NIBAN1: variants seen among roughly 807,000 people sequenced by gnomAD.
NIBAN1 encodes protein Niban 1.
Under a neutral mutation model 75.1 loss-of-function variants are expected in NIBAN1, and 81 were observed. The observed-to-expected ratio is 1.08, with a 90% confidence interval of 0.90 to 1.30. The LOEUF is 1.30. Ranked by LOEUF, NIBAN1 falls within the 50% of genes most tolerant of loss-of-function variation. The pLI, the probability that NIBAN1 is intolerant of heterozygous loss-of-function variation, is 0.00. For synonymous variants in NIBAN1, 436 were observed against 424.8 expected (o/e 1.03, Z -0.32); for missense variants, 1,133 against 1,128.1 (o/e 1.00, Z -0.06).
At position 184,848,428 on chromosome 1, in the gene NIBAN1, C is replaced by A. The variant is rs1445138875; in HGVS notation, c.602-16466G>T. ...AAATAAAGATGTTCTTTGAAACCAA[C>A]GAGAACAAAGACACCACATACCAGA... On this transcript the variant is annotated intron_variant, in intron 5 of 13. Coordinates refer to ENST00000367511, the MANE Select transcript of NIBAN1 (RefSeq NM_052966.4). 6.1e-5 allele frequency among the ~76,000 whole-genome samples: 2 copies of A among 32,942 alleles called. 1 individual carries two copies. Among genetic ancestry groups the A allele is most frequent in the Non-Finnish European group, 1.1e-4 (2 of 18,658 alleles). 21.6% of individuals were successfully genotyped at this position (32,942 alleles called of 152,430 possible).
chr1:184,832,944 C>A (rs1655037925), intron 5 of NIBAN1, among the ~76,000 whole-genome samples: 1 of 151,992 alleles, frequency 6.6e-6, no homozygotes, highest in Non-Finnish European at 1.5e-5. Context: ...AAATGAACTT[C>A]AGAAATAATC....
At chr1:184,931,944 C>G (rs754677578) in intron 1 of NIBAN1, among the ~76,000 whole-genome samples, 4 of 152,200 alleles carry the variant, frequency 2.6e-5, no homozygotes, top group Non-Finnish European at 5.9e-5. Flanking sequence ...CTTTAGCACC[C>G]TCTCCATGTT....
At chr1:184,936,423 C>A (rs1361094040) in intron 1 of NIBAN1, among the ~76,000 whole-genome samples, 1 of 152,174 alleles carries the variant, frequency 6.6e-6, no homozygotes, top group Non-Finnish European at 1.5e-5. Context: ...TGTATTGTTG[C>A]CTCCTGGTGA....
intron 1 of NIBAN1, among the ~76,000 whole-genome samples, chr1:184,950,419 T>C (rs943867615): frequency 6.6e-6 from 1 of 152,198 alleles, no homozygotes; most frequent in African/African-American, 2.4e-5. Context: ...CCAGACACTT[T>C]GTCTTTTCAC....
intron 1 of NIBAN1, among the ~76,000 whole-genome samples, chr1:184,910,989 C>T (rs1162922591): frequency 6.6e-6 from 1 of 152,066 alleles, no homozygotes; most frequent in Non-Finnish European, 1.5e-5. Flanking sequence ...CTTTCCTGGG[C>T]CTCCAGCTTA....
At chr1:184,843,700 C>G (rs553442072) in intron 5 of NIBAN1, among the ~76,000 whole-genome samples, 11 of 152,308 alleles carry the variant, frequency 7.2e-5, no homozygotes, top group African/African-American at 2.6e-4. Context: ...GAGTGCAAAA[C>G]TATCTCCCAA....
At chr1:184,949,988 C>G (rs1658321918) in intron 1 of NIBAN1, among the ~76,000 whole-genome samples, 1 of 151,910 alleles carries the variant, frequency 6.6e-6, no homozygotes, top group Admixed American at 6.6e-5. Flanking sequence ...GAATGGATGC[C>G]AAGAATGAAA....
At chr1:184,854,328 ATC>A (rs1471551154) in intron 5 of NIBAN1, among the ~76,000 whole-genome samples, 1 of 152,196 alleles carries the variant, frequency 6.6e-6, no homozygotes, top group Non-Finnish European at 1.5e-5. Flanking sequence ...TTACAAAGGG[ATC>A]TGTTTTATAT....
intron 9 of NIBAN1, 55 bp from the exon 10 acceptor site, chr1:184,808,290 C>T: frequency 6.5e-7 from 1 of 1,546,462 alleles, no homozygotes; most frequent in South Asian, 1.2e-5. Flanking sequence ...AGCGGTATTG[C>T]ATATATATTG....
At chr1:184,855,169 AGTT>A (rs1655642897) in intron 5 of NIBAN1, among the ~76,000 whole-genome samples, 1 of 151,688 alleles carries the variant, frequency 6.6e-6, no homozygotes, top group African/African-American at 2.4e-5. Context: ...TTTATTAAAT[AGTT>A]GTAACTAGTT....
chr1:184,825,459 T>C (rs999574470), intron 6 of NIBAN1, among the ~76,000 whole-genome samples: 3 of 152,120 alleles, frequency 2.0e-5, no homozygotes, highest in African/African-American at 7.2e-5. Flanking sequence ...AACCAATATT[T>C]TGGAACAAAC....
At chr1:184,870,586 G>A (rs1211901221) in intron 5 of NIBAN1, among the ~76,000 whole-genome samples, 1 of 152,170 alleles carries the variant, frequency 6.6e-6, no homozygotes, top group Admixed American at 6.5e-5. Context: ...TTCCCGCAAG[G>A]TCAAGGTGGT....
At chr1:184,803,193 T>A (rs1205994623) in intron 12 of NIBAN1, among the ~76,000 whole-genome samples, 1 of 152,236 alleles carries the variant, frequency 6.6e-6, no homozygotes, top group Non-Finnish European at 1.5e-5. Context: ...AGAGGACACG[T>A]TGGACCTATG....
chr1:184,933,671 C>T (rs530964954), intron 1 of NIBAN1, among the ~76,000 whole-genome samples: 19 of 152,320 alleles, frequency 1.2e-4, no homozygotes, highest in Non-Finnish European at 1.8e-4. Context: ...TTTGTATCTG[C>T]GGCTATTTCC....
At chr1:184,869,847 T>C (rs990409442) in intron 5 of NIBAN1, among the ~76,000 whole-genome samples, 14 of 152,146 alleles carry the variant, frequency 9.2e-5, no homozygotes, top group African/African-American at 2.9e-4. Flanking sequence ...CGGCCCACCA[T>C]TCACCACTTT....
intron 1 of NIBAN1, among the ~76,000 whole-genome samples, chr1:184,931,918 C>T (rs1216847939): frequency 6.6e-6 from 1 of 152,200 alleles, no homozygotes; most frequent in Non-Finnish European, 1.5e-5. Flanking sequence ...ACATCAAATA[C>T]TATAGTCAAG....
rs1476065203 is a variant in NIBAN1 at position 184,897,225 on chromosome 1, G to A, written c.186+1954C>T. On this transcript the variant is annotated intron_variant, in intron 2 of 13. Transcript: ENST00000367511. ...GTTGCCTACAATTTCTTTCATCCGT[G>A]TTTTGTAGTCCTTGTAGAGATCTTT... Among the ~76,000 whole-genome samples, 3 of 150,660 alleles carry A rather than the reference G, an allele frequency of 2.0e-5. No individual in the cohort carries two copies. In the East Asian group the frequency reaches 5.8e-4, roughly 29 times the overall value.
chr1:184,895,474 C>T (rs932045529), intron 2 of NIBAN1, among the ~76,000 whole-genome samples: 1 of 152,322 alleles, frequency 6.6e-6, no homozygotes, highest in African/African-American at 2.4e-5. Flanking sequence ...TCCCTATGTA[C>T]TCATGCTGCT....
intron 6 of NIBAN1, among the ~76,000 whole-genome samples, chr1:184,828,514 G>T (rs1221514803): frequency 6.6e-6 from 1 of 152,160 alleles, no homozygotes; most frequent in African/African-American, 2.4e-5. Flanking sequence ...TGAGTCTTAG[G>T]GTAGACACTG....
Sources: gnomAD v4.1 joint callset for allele counts (sites outside exome capture counted in the v4.1 genomes callset) on GRCh38, gnomAD v4.1.1 for gene constraint, MANE v1.5 for transcripts, NCBI Gene and HGNC (gene_info 2026-07-23, HGNC 2026-07-21) for gene names.